Variants in ASCC3 observed in about 807,000 individuals in gnomAD.
ASCC3 encodes the protein activating signal cointegrator 1 complex subunit 3, also known as ASC-1 complex subunit P200.
Under a neutral mutation model 256.3 loss-of-function variants are expected in ASCC3, and 158 were observed. The observed-to-expected ratio is 0.62, with a 90% CI of 0.54 to 0.70. The LOEUF (loss-of-function observed/expected upper bound fraction) is 0.70. ASCC3 is among the 30% of genes least tolerant of loss of function. The probability of loss-of-function intolerance (pLI) is 0.00; values close to 1 mark genes in which losing one functional copy is unlikely to be tolerated. For synonymous variants in ASCC3, 948 were observed against 883.4 expected (o/e 1.07, Z -1.30); for missense variants, 2,259 against 2,626.0 (o/e 0.86, Z 3.05).
At chr6:100,612,839 G>A (rs1185576519) in intron 30 of ASCC3, among the ~76,000 whole-genome samples, 4 of 151,652 alleles carry the variant, frequency 2.6e-5, no homozygotes, top group East Asian at 1.9e-4. Context: ...TCTTTCTGAC[G>A]CTCAAAGACA....
intron 10 of ASCC3, among the ~76,000 whole-genome samples, chr6:100,726,961 A>T (rs1779657984): frequency 1.3e-5 from 2 of 152,040 alleles, no homozygotes; most frequent in African/African-American, 4.8e-5. Flanking sequence ...ATGCTTATAA[A>T]CCACGATTAT....
chr6:100,593,985 ATT>A (rs532573128), intron 34 of ASCC3, among the ~76,000 whole-genome samples: 12 of 152,162 alleles, frequency 7.9e-5, no homozygotes, highest in Non-Finnish European at 1.5e-4. Context: ...TCTAAACATA[ATT>A]ATCTTTATAT....
intron 4 of ASCC3, among the ~76,000 whole-genome samples, chr6:100,830,877 A>G (rs1184563062): frequency 3.9e-5 from 6 of 152,206 alleles, no homozygotes; most frequent in African/African-American, 1.4e-4. Flanking sequence ...GCAAAATATA[A>G]ATAAGACTAA....
chr6:100,640,936 T>C (rs986300950), intron 24 of ASCC3, among the ~76,000 whole-genome samples: 5 of 152,192 alleles, frequency 3.3e-5, no homozygotes, highest in Admixed American at 6.5e-5. Flanking sequence ...GTGAGGACTA[T>C]ATTTTTATTC....
intron 10 of ASCC3, among the ~76,000 whole-genome samples, chr6:100,736,369 G>A (rs1780164232): frequency 6.6e-6 from 1 of 152,092 alleles, no homozygotes; most frequent in African/African-American, 2.4e-5. Context: ...GGGCGTGGTG[G>A]CACATGCCTG....
intron 37 of ASCC3, among the ~76,000 whole-genome samples, chr6:100,520,039 T>G (rs770834961): frequency 1.3e-5 from 2 of 152,146 alleles, no homozygotes; most frequent in Non-Finnish European, 2.9e-5. Flanking sequence ...TTGCTACAAG[T>G]TTCTCTGCTC....
chr6:100,675,689 G>A (rs9386229), intron 14 of ASCC3, among the ~76,000 whole-genome samples: 11,169 of 152,160 alleles, frequency 0.073, 937 homozygotes, highest in East Asian at 0.3. Flanking sequence ...AATAACTACA[G>A]ACACAAGGCT....
intron 24 of ASCC3, among the ~76,000 whole-genome samples, chr6:100,641,731 A>T (rs1775128119): frequency 6.6e-6 from 1 of 152,226 alleles, no homozygotes; most frequent in Non-Finnish European, 1.5e-5. Context: ...TTACTGCAGC[A>T]CTATTCACAA....
intron 34 of ASCC3, 56 bp from the exon 35 acceptor site, chr6:100,590,115 A>G: frequency 8.4e-7 from 1 of 1,186,474 alleles, no homozygotes; most frequent in Non-Finnish European, 1.3e-6. Context: ...TACTAAAACT[A>G]TCACCTCAGT....
At chr6:100,818,561 TC>T (rs1770869890) in intron 4 of ASCC3, among the ~76,000 whole-genome samples, 2 of 105,346 alleles carry the variant, frequency 1.9e-5, no homozygotes, top group South Asian at 5.6e-4. Flanking sequence ...AGGGCAAGAC[TC>T]CGTCTCAAAA....
At chr6:100,612,133 C>G (rs1046934177) in intron 30 of ASCC3, among the ~76,000 whole-genome samples, 1 of 151,932 alleles carries the variant, frequency 6.6e-6, no homozygotes, top group African/African-American at 2.4e-5. Flanking sequence ...TTTACTTTAA[C>G]TTAATAGAAC....
At chr6:100,531,285 G>T (rs990158326) in intron 37 of ASCC3, among the ~76,000 whole-genome samples, 3 of 152,012 alleles carry the variant, frequency 2.0e-5, no homozygotes, top group African/African-American at 7.3e-5. Context: ...CCAACATTGT[G>T]GATTTCATCT....
chr6:100,617,224 C>T (rs1238852922), intron 30 of ASCC3, among the ~76,000 whole-genome samples: 6 of 151,802 alleles, frequency 4.0e-5, no homozygotes, highest in Non-Finnish European at 7.4e-5. Context: ...GCCAGGCTGA[C>T]CTTGAACTCC....
chr6:100,608,889 G>A (rs1388283817), intron 30 of ASCC3, among the ~76,000 whole-genome samples: 6 of 143,634 alleles, frequency 4.2e-5, no homozygotes, highest in African/African-American at 1.0e-4. Context: ...TCAGCCTCCC[G>A]AGTAGCTGGG....
chr6:100,557,689 A>T (rs1562117077), intron 36 of ASCC3, among the ~76,000 whole-genome samples: 1 of 137,226 alleles, frequency 7.3e-6, no homozygotes, highest in Non-Finnish European at 1.6e-5. Flanking sequence ...CATAGAGAGG[A>T]AGATTGCCAG....
chr6:100,538,671 T>C (rs1255382321), intron 37 of ASCC3, among the ~76,000 whole-genome samples: 1 of 152,156 alleles, frequency 6.6e-6, no homozygotes, highest in Non-Finnish European at 1.5e-5. Context: ...GGACATTCTA[T>C]ACAAATGTAG....
chr6:100,735,503 C>T (rs969549495), intron 10 of ASCC3, among the ~76,000 whole-genome samples: 2 of 151,346 alleles, frequency 1.3e-5, no homozygotes, highest in East Asian at 1.9e-4. Flanking sequence ...GTGAAGAGTC[C>T]ATTCAGTAAA....
chr6:100,783,103 G>T (rs1782523135), intron 8 of ASCC3, among the ~76,000 whole-genome samples: 1 of 151,806 alleles, frequency 6.6e-6, no homozygotes, highest in Non-Finnish European at 1.5e-5. Flanking sequence ...GAGCTCTCAT[G>T]TATTATATAA....
At chr6:100,578,818 T>A (rs1771025914) in intron 36 of ASCC3, among the ~76,000 whole-genome samples, 1 of 152,144 alleles carries the variant, frequency 6.6e-6, no homozygotes, top group African/African-American at 2.4e-5. Context: ...TAGTTCTGTT[T>A]TAAGTTCTTT....
Sources: gnomAD v4.1 joint callset for allele counts (sites outside exome capture counted in the v4.1 genomes callset) on GRCh38, gnomAD v4.1.1 for gene constraint, MANE v1.5 for transcripts, NCBI Gene and HGNC (gene_info 2026-07-23, HGNC 2026-07-21) for gene names.